The following DSCAM variants were observed in gnomAD, a reference collection of about 807,000 sequenced individuals.
DSCAM encodes cell adhesion molecule DSCAM.
A neutral mutation model predicts 217.7 loss-of-function variants in DSCAM; 47 were observed. The ratio of observed to expected loss-of-function variants is 0.22; its 90% CI spans 0.17 to 0.28. The LOEUF (loss-of-function observed/expected upper bound fraction) is 0.28. Among genes scored for constraint, DSCAM ranks in the 10% least tolerant of loss-of-function variants. DSCAM has a pLI of 1.00. For missense variants in DSCAM, 2,080 were observed against 2,618.3 expected, an observed-to-expected ratio of 0.79 and a Z score of 4.49; for synonymous variants, 1,056 against 1,015.3, an observed-to-expected ratio of 1.04 and a Z score of -0.76.
chr21:40,158,945 ATAGT>A (rs2090508658), intron 16 of DSCAM, among the ~76,000 whole-genome samples: 1 of 152,228 alleles, frequency 6.6e-6, no homozygotes, highest in African/African-American at 2.4e-5. Flanking sequence ...CTATCTTGAA[ATAGT>A]TTGTTACATC....
intron 14 of DSCAM, among the ~76,000 whole-genome samples, chr21:40,179,394 T>G (rs919042690): frequency 6.6e-6 from 1 of 152,020 alleles, no homozygotes; most frequent in East Asian, 1.9e-4. Context: ...ATCAGCCGAC[T>G]GGGGGAGATC....
chr21:40,183,977 A>G (rs2090867116), intron 14 of DSCAM, among the ~76,000 whole-genome samples: 2 of 152,156 alleles, frequency 1.3e-5, no homozygotes, highest in South Asian at 4.2e-4. Flanking sequence ...ACATAGCATA[A>G]GGTTTGTCAG....
At chr21:40,403,378 A>T (rs1160730702) in intron 3 of DSCAM, among the ~76,000 whole-genome samples, 1 of 151,742 alleles carries the variant, frequency 6.6e-6, no homozygotes, top group Non-Finnish European at 1.5e-5. Context: ...GCTCATTGCA[A>T]CCTCTGCCTC....
chr21:40,754,842 C>G (rs1445649069), intron 1 of DSCAM, among the ~76,000 whole-genome samples: 6 of 152,220 alleles, frequency 3.9e-5, no homozygotes, highest in African/African-American at 1.4e-4. Flanking sequence ...AAGAAAGATA[C>G]AGCCTAAAAT....
chr21:40,755,772 A>G (rs905684180), intron 1 of DSCAM, among the ~76,000 whole-genome samples: 7 of 152,174 alleles, frequency 4.6e-5, no homozygotes, highest in Admixed American at 2.0e-4. Flanking sequence ...TTGAAATGAG[A>G]TATTCATATA....
rs76674743 is a variant in DSCAM, at chr21:40,251,271, A to G, written c.2356+24826T>C. Among the ~76,000 whole-genome samples, 72 of 152,308 alleles carry G rather than the reference A, an allele frequency of 4.7e-4. No individual in the cohort carries two copies. The East Asian group carries it at 0.012, about 25-fold the overall frequency. On this transcript the variant is annotated intron_variant, in intron 11 of 32. Transcript: ENST00000400454. Reference sequence around the variant, plus strand: ...CACAGAAAAAAATCAACACATATAGATCAGAATAAAGGCTAAGTTATTAAA... The same window carrying G: ...CACAGAAAAAAATCAACACATATAGGTCAGAATAAAGGCTAAGTTATTAAA...
At chr21:40,597,256 A>C (rs1197610860) in intron 3 of DSCAM, among the ~76,000 whole-genome samples, 12 of 152,178 alleles carry the variant, frequency 7.9e-5, no homozygotes. Context: ...CCCTGAGAGC[A>C]ATATTCACAG....
intron 1 of DSCAM, among the ~76,000 whole-genome samples, chr21:40,771,124 G>A (rs193123409): frequency 3.3e-5 from 5 of 152,322 alleles, no homozygotes; most frequent in African/African-American, 7.2e-5. Flanking sequence ...GTTGGGCAGT[G>A]TAAAGAGCTG....
Position 40,118,654 on chromosome 21 carries a change from T to C in DSCAM, c.3696+5541A>G, listed in dbSNP as rs145273149. Among the ~76,000 whole-genome samples the C allele has an allele frequency of 9.8e-5, 15 of 152,324 alleles. No homozygotes were observed. The East Asian group carries it at 2.7e-3, about 27-fold the overall frequency. The stretch of plus-strand genomic sequence containing the variant: ...GACATGATGTCACTTTGCTCATTTA[T>C]TTCCTCTGATCATATTACCCTTTCC... On this transcript the variant is annotated intron_variant, in intron 20 of 32. Coordinates refer to ENST00000400454, the MANE Select transcript of DSCAM (RefSeq NM_001389.5).
At chr21:40,428,499 A>C (rs1461596474) in intron 3 of DSCAM, among the ~76,000 whole-genome samples, 1 of 151,796 alleles carries the variant, frequency 6.6e-6, no homozygotes, top group Non-Finnish European at 1.5e-5. Flanking sequence ...CGAACTCCCA[A>C]CCTCAGGTAA....
chr21:40,580,619 GA>G (rs1165913146), intron 3 of DSCAM, among the ~76,000 whole-genome samples: 1 of 152,016 alleles, frequency 6.6e-6, no homozygotes, highest in Non-Finnish European at 1.5e-5. Context: ...ATGGAAAGTA[GA>G]AAAAAATCAA....
intron 3 of DSCAM, among the ~76,000 whole-genome samples, chr21:40,613,239 G>C (rs1354534345): frequency 2.0e-5 from 3 of 152,192 alleles, no homozygotes; most frequent in Non-Finnish European, 1.5e-5. Context: ...TTTTAAATAG[G>C]AACAAACATT....
At chr21:40,575,336 C>T (rs2076841057) in intron 3 of DSCAM, among the ~76,000 whole-genome samples, 1 of 152,096 alleles carries the variant, frequency 6.6e-6, no homozygotes, top group African/African-American at 2.4e-5. Context: ...AGCCCACCTG[C>T]ACCCAGGTGA....
Position 40,353,629 on chromosome 21 carries a change from C to A in DSCAM, c.770G>T (p.Arg257Leu), listed in dbSNP as rs373921750. The change falls in exon 5 of 33, where the codon CGC (arginine) becomes CTC (leucine). Residue 257 changes from arginine to leucine, a missense_variant. Coordinates refer to ENST00000400454, the MANE Select transcript of DSCAM (RefSeq NM_001389.5). ...CAGGGGCATGTTGTCCTTCAGCCAG[C>A]GGTAATCTGGCTCAGGGTGCCCGAG... The part of the protein sequence containing the change: ...KALGHPEPDY[R>L]WLKDNMPLEL... 6.2e-7 allele frequency: 1 copy of A among 1,611,884 alleles called. No individual in the cohort carries two copies. Among genetic ancestry groups the A allele is most frequent in the South Asian group, 1.1e-5 (1 of 90,816 alleles).
chr21:40,656,355 T>C (rs1334073170), intron 3 of DSCAM, among the ~76,000 whole-genome samples: 1 of 152,226 alleles, frequency 6.6e-6, no homozygotes, highest in Non-Finnish European at 1.5e-5. Context: ...AAAATGTTCA[T>C]CGCTTTTTGC....
At chr21:40,838,612 T>C (rs561078079) in intron 1 of DSCAM, among the ~76,000 whole-genome samples, 6 of 152,352 alleles carry the variant, frequency 3.9e-5, no homozygotes, top group Admixed American at 2.6e-4. Flanking sequence ...GTGTAAATTT[T>C]ATGTAAAACC....
intron 20 of DSCAM, among the ~76,000 whole-genome samples, chr21:40,123,577 A>T (rs1179030247): frequency 6.6e-6 from 1 of 152,242 alleles, no homozygotes; most frequent in African/African-American, 2.4e-5. Context: ...CAGCAGGAAT[A>T]ATATGAACGA....
intron 3 of DSCAM, among the ~76,000 whole-genome samples, chr21:40,475,500 C>T (rs2075925839): frequency 1.3e-5 from 2 of 152,314 alleles, no homozygotes; most frequent in South Asian, 4.1e-4. Flanking sequence ...ATCACATTTT[C>T]CTCAGTGGCT....
At chr21:40,105,386 C>T (rs1003118509) in intron 20 of DSCAM, among the ~76,000 whole-genome samples, 8 of 152,204 alleles carry the variant, frequency 5.3e-5, no homozygotes, top group African/African-American at 4.8e-5. Flanking sequence ...CCACAATCCC[C>T]ATGTGCCGTG....
Sources: gnomAD v4.1 joint callset for allele counts (sites outside exome capture counted in the v4.1 genomes callset) on GRCh38, gnomAD v4.1.1 for gene constraint, MANE v1.5 for transcripts, NCBI Gene and HGNC (gene_info 2026-07-23, HGNC 2026-07-21) for gene names.